The following DGKI variants were observed in gnomAD, a reference collection of about 807,000 sequenced individuals.
The protein encoded by DGKI is diacylglycerol kinase iota.
Under a neutral mutation model 147.5 loss-of-function variants are expected in DGKI, and 55 were observed. That is an observed-to-expected ratio of 0.37 (90% CI 0.30 to 0.47). The LOEUF is 0.47. DGKI is among the 20% of genes least tolerant of loss of function. The pLI is 1.00. For synonymous variants in DGKI, 469 were observed against 477.1 expected, an observed-to-expected ratio of 0.98 and a Z score of 0.22; for missense variants, 1,007 against 1,323.8, an observed-to-expected ratio of 0.76 and a Z score of 3.71.
chr7:137,785,296 T>A (rs893214090), intron 1 of DGKI, among the ~76,000 whole-genome samples: 9 of 151,900 alleles, frequency 5.9e-5, no homozygotes, highest in African/African-American at 1.7e-4. Flanking sequence ...ATGGGAGATA[T>A]TACAACTAAT....
At chr7:137,730,344 G>A (rs1447557185) in intron 1 of DGKI, among the ~76,000 whole-genome samples, 3 of 152,138 alleles carry the variant, frequency 2.0e-5, no homozygotes, top group Non-Finnish European at 2.9e-5. Context: ...GAACACAGCC[G>A]ACTTGGTAAC....
At chr7:137,605,353 A>C (rs1820144600) in intron 10 of DGKI, among the ~76,000 whole-genome samples, 1 of 147,250 alleles carries the variant, frequency 6.8e-6, no homozygotes, top group African/African-American at 2.6e-5. Flanking sequence ...AATAAAATAA[A>C]ATAAAATAAA....
chr7:137,709,476 T>C (rs961196137), intron 1 of DGKI, among the ~76,000 whole-genome samples: 3 of 152,242 alleles, frequency 2.0e-5, no homozygotes, highest in African/African-American at 7.2e-5. Context: ...TCTTGAATAC[T>C]GGCACTAAGT....
chr7:137,585,131 C>T, intron 14 of DGKI, 78 bp downstream of exon 14: 1 of 1,546,260 alleles, frequency 6.5e-7, no homozygotes, highest in Non-Finnish European at 8.8e-7. Context: ...GCACATGACT[C>T]TCCAGCCAGG....
intron 4 of DGKI, among the ~76,000 whole-genome samples, chr7:137,656,022 G>A (rs1016302353): frequency 2.6e-5 from 4 of 152,234 alleles, no homozygotes; most frequent in South Asian, 2.1e-4. Flanking sequence ...GTGAGAGCCG[G>A]CTTCCAGCGT....
intron 28 of DGKI, among the ~76,000 whole-genome samples, chr7:137,428,491 C>A (rs913221363): frequency 5.3e-5 from 8 of 152,082 alleles, no homozygotes; most frequent in African/African-American, 1.9e-4. Context: ...AAAACTGGCA[C>A]AAGACAGGGA....
At chr7:137,428,847 G>A (rs1812933409) in intron 28 of DGKI, among the ~76,000 whole-genome samples, 1 of 152,028 alleles carries the variant, frequency 6.6e-6, no homozygotes, top group African/African-American at 2.4e-5. Context: ...ACTTACAAGG[G>A]ATGCGAAGGA....
intron 1 of DGKI, among the ~76,000 whole-genome samples, chr7:137,735,043 T>C (rs922862260): frequency 6.6e-6 from 1 of 152,138 alleles, no homozygotes; most frequent in Non-Finnish European, 1.5e-5. Context: ...GGTACCATGT[T>C]AACATCTCTT....
chr7:137,399,161 T>C (rs1468576249), intron 30 of DGKI, among the ~76,000 whole-genome samples: 1 of 152,328 alleles, frequency 6.6e-6, no homozygotes, highest in East Asian at 1.9e-4. Flanking sequence ...AGATGACCTT[T>C]GACAGAAGGA....
chr7:137,720,250 C>CTTTTTTTTTTTTTTTT (rs552382033), intron 1 of DGKI, among the ~76,000 whole-genome samples: 1 of 88,218 alleles, frequency 1.1e-5, no homozygotes, highest in African/African-American at 4.7e-5. Flanking sequence ...TTGAAAAAAT[C>CTTTTTTTTTTTTTTTT]TTTTTTTTTT....
intron 1 of DGKI, among the ~76,000 whole-genome samples, chr7:137,787,979 C>T (rs985861420): frequency 6.6e-6 from 1 of 152,102 alleles, no homozygotes; most frequent in Non-Finnish European, 1.5e-5. Context: ...TCTCAGAAAT[C>T]ACCCCTAAAG....
rs1811151727 is a variant in DGKI, at chr7:137,385,303, T to C, written c.*5917A>G. The stretch of plus-strand genomic sequence containing the variant: ...ATTCCCCTAGATATTTTTAAAATTC[T>C]CAGTTATAAAGCAAAGTTTAACAAA... On this transcript the variant is annotated 3_prime_UTR_variant, in exon 33 of 33. Transcript: ENST00000614521. 1 of 152,100 alleles carries C rather than the reference T, an allele frequency of 6.6e-6. No homozygotes were observed. The highest frequency in any genetic ancestry group is 1.5e-5 in the Non-Finnish European group (1 of 67,980). The allele number at this position is 152,100 out of a possible 1,614,324, so 9.4% of individuals were successfully genotyped here. A position where few individuals can be genotyped will look rare whatever the true frequency, so the allele number is the denominator to read the frequency against.
chr7:137,811,380 TCTCTCACA>T (rs755990010), intron 1 of DGKI, among the ~76,000 whole-genome samples: 6 of 104,054 alleles, frequency 5.8e-5, no homozygotes, highest in South Asian at 5.9e-4. Context: ...TCTCTCTCTC[TCTCTCACA>T]CACACACACA....
At chr7:137,549,935 T>C (rs932518466) in intron 20 of DGKI, among the ~76,000 whole-genome samples, 5 of 152,248 alleles carry the variant, frequency 3.3e-5, no homozygotes, top group African/African-American at 4.8e-5. Context: ...AAATGTGCTA[T>C]CCGTATTGAT....
intron 6 of DGKI, among the ~76,000 whole-genome samples, chr7:137,632,390 G>C (rs1224792646): frequency 6.6e-6 from 1 of 152,104 alleles, no homozygotes; most frequent in African/African-American, 2.4e-5. Flanking sequence ...AAGAGTCTAT[G>C]GTAACACTTT....
intron 8 of DGKI, among the ~76,000 whole-genome samples, chr7:137,612,566 T>C (rs1820401177): frequency 6.6e-6 from 1 of 152,132 alleles, no homozygotes; most frequent in South Asian, 2.1e-4. Flanking sequence ...GCAGATTTTG[T>C]ATATGTTTTG....
At chr7:137,506,456 G>A (rs1051470242) in intron 21 of DGKI, among the ~76,000 whole-genome samples, 3 of 152,148 alleles carry the variant, frequency 2.0e-5, no homozygotes, top group African/African-American at 7.2e-5. Flanking sequence ...GGGAGAGGAA[G>A]GGAGAAATGA....
intron 21 of DGKI, among the ~76,000 whole-genome samples, chr7:137,493,292 C>A (rs1287090280): frequency 1.3e-5 from 2 of 152,194 alleles, no homozygotes. Flanking sequence ...ACTATTACTG[C>A]CACTTGCAAA....
intron 1 of DGKI, among the ~76,000 whole-genome samples, chr7:137,806,560 A>T (rs1286911411): frequency 6.6e-6 from 1 of 152,016 alleles, no homozygotes; most frequent in Non-Finnish European, 1.5e-5. Context: ...CATCCTCCTG[A>T]GTACCTGGGA....
Sources: gnomAD v4.1 joint callset for allele counts (sites outside exome capture counted in the v4.1 genomes callset) on GRCh38, gnomAD v4.1.1 for gene constraint, MANE v1.5 for transcripts, NCBI Gene and HGNC (gene_info 2026-07-23, HGNC 2026-07-21) for gene names.